Variants in NEURL3 observed in about 807,000 individuals in gnomAD.
The protein encoded by NEURL3 is E3 ubiquitin-protein ligase NEURL3.
A neutral mutation model predicts 17.6 loss-of-function variants in NEURL3; 19 were observed. That is an observed-to-expected ratio of 1.08 (90% confidence interval 0.75 to 1.58). The LOEUF is 1.58. Among genes scored for constraint, NEURL3 ranks in the 40% most tolerant of loss-of-function variants. The probability of loss-of-function intolerance (pLI) is 0.00; values close to 1 mark genes in which losing one functional copy is unlikely to be tolerated. For synonymous variants in NEURL3, 180 were observed against 161.4 expected, an observed-to-expected ratio of 1.11 and a Z score of -0.87; for missense variants, 342 against 379.6, an observed-to-expected ratio of 0.90 and a Z score of 0.82.
Position 96,497,773 on chromosome 2 carries a change from C to A in NEURL3, c.*471G>T, listed in dbSNP as rs968784482. On this transcript the variant is annotated 3_prime_UTR_variant, in exon 4 of 4. Coordinates refer to ENST00000451794, the MANE Select transcript of NEURL3 (RefSeq NM_001285485.2). ...GGTCTCTCTGGGACCTCATGACCAC[C>A]CTGAAAGGGAGGCAGGGCGGGTAAC... 1.6e-4 allele frequency: 25 copies of A among 156,458 alleles called. 1 individual carries two copies. The highest frequency in any genetic ancestry group is 7.0e-5 in the Non-Finnish European group (5 of 71,150). The allele number at this position is 156,458 out of a possible 1,614,324, so 9.7% of individuals were successfully genotyped here. A position where few individuals can be genotyped will look rare whatever the true frequency, so the allele number is the denominator to read the frequency against.
intron 3 of NEURL3, 29 bp downstream of exon 3, chr2:96,499,349 G>A (rs2065474028): frequency 2.5e-6 from 4 of 1,597,804 alleles, no homozygotes; most frequent in Non-Finnish European, 3.4e-6. Context: ...GATTCCCGGG[G>A]AGTCCCTGAT....
intron 2 of NEURL3, chr2:96,500,163 GTAA>G: frequency 2.1e-6 from 1 of 483,464 alleles, no homozygotes; most frequent in South Asian, 2.5e-5. Context: ...TTCTTCCTTT[GTAA>G]AAGGAGATGG....
At chr2:96,505,433 G>T, upstream of NEURL3, 1 of 741,952 alleles carries the variant, frequency 1.3e-6, no homozygotes, top group Non-Finnish European at 2.3e-6. Context: ...CAATGGTGCT[G>T]TCATGTGTTA....
At chr2:96,501,920 C>A (rs1326280458) in intron 1 of NEURL3, among the ~76,000 whole-genome samples, 1 of 152,160 alleles carries the variant, frequency 6.6e-6, no homozygotes, top group Non-Finnish European at 1.5e-5. Context: ...AGGCCACTCC[C>A]CTCCCAGATC....
At position 96,500,793 on chromosome 2, in the gene NEURL3, G is replaced by A; in HGVS notation, c.160C>T (p.Pro54Ser). 6.6e-7 allele frequency: 1 copy of A among 1,526,318 alleles called. No homozygotes were observed. The highest frequency in any genetic ancestry group is 1.4e-5 in the African/African-American group (1 of 72,128). The allele number at this position is 1,526,318 out of a possible 1,614,324, so 94.5% of individuals were successfully genotyped here. ...FHDGIVFSQR[P>S]VRLGERVALR... is the part of the protein sequence containing the mutation. The stretch of plus-strand genomic sequence containing the variant: ...GCCACACGCTCGCCCAGGCGCACCG[G>A]CCGCTGGCTGAACACGATGCCGTCG... Residue 54 changes from proline (P) to serine (S), a missense_variant, in exon 2 of 4, where the codon CCG (proline) becomes TCG (serine). Physicochemically the swap from Pro to Ser is moderately conservative, Grantham distance 74. Transcript: ENST00000451794.
Position 96,500,772 on chromosome 2 carries a change from C to T in NEURL3, c.181G>A (p.Val61Met), listed in dbSNP as rs772001640. Residue 61 changes from valine to methionine, a missense_variant, in exon 2 of 4, where the codon GTG (valine) becomes ATG (methionine). Coordinates refer to ENST00000451794, the MANE Select transcript of NEURL3 (RefSeq NM_001285485.2). ...TCCTCCCGCAGCACTCGCAGCGCCA[C>T]ACGCTCGCCCAGGCGCACCGGCCGC... ...SQRPVRLGER[V>M]ALRVLREESG... is the part of the protein sequence containing the mutation. 1.3e-6 allele frequency: 2 copies of T among 1,526,102 alleles called. No homozygotes were observed. The highest frequency in any genetic ancestry group is 2.4e-5 in the South Asian group (2 of 83,440). The allele number at this position is 1,526,102 out of a possible 1,614,324, so 94.5% of individuals were successfully genotyped here.
intron 2 of NEURL3, chr2:96,500,228 G>T: frequency 1.6e-6 from 1 of 626,940 alleles, no homozygotes; most frequent in Non-Finnish European, 2.8e-6. Flanking sequence ...GGTCCTATCT[G>T]CTTATCATTC....
chr2:96,504,943 G>A (rs925937721), intron 1 of NEURL3, among the ~76,000 whole-genome samples: 1 of 150,098 alleles, frequency 6.7e-6, no homozygotes, highest in Non-Finnish European at 1.5e-5. Flanking sequence ...CTTCCACTAC[G>A]GGACACCTGT....
At position 96,500,516 on chromosome 2, in the gene NEURL3, C is replaced by A. The variant is rs761992988; in HGVS notation, c.437G>T (p.Arg146Leu). Residue 146 changes from arginine (R) to leucine (L), a missense_variant, in exon 2 of 4, where the codon CGT (arginine) becomes CTT (leucine). Physicochemically the swap from Arg to Leu is moderately radical, Grantham distance 102 (BLOSUM62 -2). Transcript: ENST00000451794. Reference sequence around the variant, plus strand: ...CGGGGCGCCGACGGGCACGCCCTCACGCAGCAGGAGCCGGCAGCCGGCGTT... The same window carrying A: ...CGGGGCGCCGACGGGCACGCCCTCAAGCAGCAGGAGCCGGCAGCCGGCGTT... ...KVNAGCRLLL[R>L]EGVPVGAPLW... The A allele has an allele frequency of 3.1e-6, 5 of 1,588,068 alleles. No individual in the cohort carries two copies. In the Admixed American group the frequency reaches 8.5e-5, roughly 27 times the overall value.
At chr2:96,499,343 C>T (rs1228320921) in intron 3 of NEURL3, 35 bp downstream of exon 3, 7 of 1,596,764 alleles carry the variant, frequency 4.4e-6, no homozygotes, top group Non-Finnish European at 5.9e-6. Flanking sequence ...GTGCTGGATT[C>T]CCGGGGAGTC....
rs2065494419 is a variant in NEURL3 at position 96,500,601 on chromosome 2, G to A, written c.352C>T (p.Leu118Phe). Residue 118 changes from leucine to phenylalanine, a missense_variant, in exon 2 of 4, where the codon CTC becomes TTC. Transcript: ENST00000451794. ...CAGAAGCGGACCAAGTCCCCAGTGA[G>A]CGCGCAGCCCTCAGGCAGCACGGCC... ...WAAVLPEGCA[L>F]TGDLVRFWVD... The A allele has an allele frequency of 6.5e-7, 1 of 1,527,778 alleles. No homozygotes were observed. The highest frequency in any genetic ancestry group is 2.0e-5 in the Admixed American group (1 of 49,278). The allele number at this position is 1,527,778 out of a possible 1,614,324, so 94.6% of individuals were successfully genotyped here.
intron 1 of NEURL3, among the ~76,000 whole-genome samples, chr2:96,501,681 G>A (rs566969638): frequency 1.3e-5 from 2 of 152,152 alleles, no homozygotes; most frequent in South Asian, 4.1e-4. Context: ...ACAGGACTCT[G>A]CCTGGCAGTC....
chr2:96,502,211 C>T (rs1210381209), intron 1 of NEURL3, among the ~76,000 whole-genome samples: 1 of 152,214 alleles, frequency 6.6e-6, no homozygotes, highest in African/African-American at 2.4e-5. Flanking sequence ...TCCCATGATG[C>T]ACTCATCCCT....
intron 2 of NEURL3, chr2:96,500,151 G>A (rs2065487488): frequency 4.4e-6 from 2 of 458,406 alleles, no homozygotes; most frequent in Non-Finnish European, 7.8e-6. Context: ...CAGCCCAAAT[G>A]TTTCTTCCTT....
chr2:96,500,782 C>G lies in NEURL3; in HGVS notation c.171G>C (p.Leu57=). 6.6e-7 allele frequency: 1 copy of G among 1,526,566 alleles called. No individual in the cohort carries two copies. The highest frequency in any genetic ancestry group is 1.2e-5 in the South Asian group (1 of 83,522). 94.6% of individuals were successfully genotyped at this position (1,526,566 alleles called of 1,614,324 possible). A position where few individuals can be genotyped will look rare whatever the true frequency, so the allele number is the denominator to read the frequency against. The change falls in exon 2 of 4, where the codon CTG becomes CTC. Residue 57 remains leucine (L), a synonymous_variant. Coordinates refer to ENST00000451794, the MANE Select transcript of NEURL3 (RefSeq NM_001285485.2). ...GCACTCGCAGCGCCACACGCTCGCC[C>G]AGGCGCACCGGCCGCTGGCTGAACA... is the stretch of plus-strand genomic sequence containing the variant. ...GIVFSQRPVR[L]GERVALRVLR...
At chr2:96,504,232 C>T (rs2065539073) in intron 1 of NEURL3, among the ~76,000 whole-genome samples, 1 of 152,018 alleles carries the variant, frequency 6.6e-6, no homozygotes, top group African/African-American at 2.4e-5. Context: ...TTCAGGGTGT[C>T]AGGCACCCAT....
intron 1 of NEURL3, among the ~76,000 whole-genome samples, chr2:96,504,276 G>T (rs1480740855): frequency 8.1e-3 from 1 of 124 alleles, no homozygotes; most frequent in Non-Finnish European, 0.019. Flanking sequence ...TCCTCATCCC[G>T]CCTCGGGGAA....
intron 1 of NEURL3, among the ~76,000 whole-genome samples, chr2:96,503,363 G>A (rs1208523382): frequency 2.0e-5 from 3 of 152,166 alleles, no homozygotes. Context: ...ACCAGGGCTG[G>A]TGGGTGCCGA....
chr2:96,499,802 T>C (rs1009318049), intron 2 of NEURL3, among the ~76,000 whole-genome samples: 2 of 152,076 alleles, frequency 1.3e-5, no homozygotes, highest in Admixed American at 6.6e-5. Context: ...GGTTCAGGGC[T>C]CCACTCCAGA....
Sources: allele counts gnomAD v4.1 joint callset (sites outside exome capture counted in the v4.1 genomes callset), GRCh38; gene constraint gnomAD v4.1.1; transcripts MANE v1.5; gene names NCBI Gene and HGNC (gene_info 2026-07-23, HGNC 2026-07-21).